DHX38: variants seen among roughly 807,000 people sequenced by gnomAD.
DHX38 encodes the protein DEAH-box helicase 38.
In DHX38, 100 loss-of-function variants were observed where a neutral mutation model predicts 153.1. The observed-to-expected ratio is 0.65, with a 90% confidence interval of 0.56 to 0.77. DHX38 has a LOEUF of 0.77. Among genes scored for constraint, DHX38 ranks in the 30% least tolerant of loss-of-function variants. The pLI is 0.00. For synonymous variants in DHX38, 650 were observed against 631.7 expected, an observed-to-expected ratio of 1.03 and a Z score of -0.43; for missense variants, 1,440 against 1,654.0, an observed-to-expected ratio of 0.87 and a Z score of 2.24.
chr16:72,104,904 T>C lies in DHX38; in HGVS notation c.2152-123T>C. On this transcript the variant is annotated intron_variant, in intron 15 of 26. Transcript: ENST00000268482. The surrounding 1 kb of genome is among the most constrained non-coding windows in gnomAD (Gnocchi z 4.5). ...CCTCGCAGTCAGGCCCATGTGGAGGTGTGGTGGCCCTCAAAGTCCATGGCT... is the reference window on the plus strand; with the variant it reads ...CCTCGCAGTCAGGCCCATGTGGAGGCGTGGTGGCCCTCAAAGTCCATGGCT... The C allele has an allele frequency of 1.0e-6, 1 of 970,660 alleles. No homozygotes were observed. The highest frequency in any genetic ancestry group is 2.5e-5 in the Admixed American group (1 of 40,190). The allele number at this position is 970,660 out of a possible 1,614,324, so 60.1% of individuals were successfully genotyped here.
In DHX38 at chr16:72,110,984, C is replaced by T. The variant is rs1443327443; in HGVS notation, c.3506C>T (p.Ala1169Val). 1.2e-5 allele frequency: 19 copies of T among 1,587,664 alleles called. No individual in the cohort carries two copies. Among genetic ancestry groups the T allele is most frequent in the Admixed American group, 3.6e-5 (2 of 56,196 alleles). ...QENRRRAKEEASAMEEEMALA... is the reference protein window; with the variant it reads ...QENRRRAKEEVSAMEEEMALA... ...AACCGTCGTCGGGCCAAAGAGGAAG[C>T]CTCTGCCATGGAGGAGGAGATGGCG... is the stretch of plus-strand genomic sequence containing the variant. The change falls in exon 26 of 27, where the codon GCC (alanine) becomes GTC (valine). Residue 1169 changes from alanine to valine, a missense_variant. Ala to Val is a moderately conservative substitution (Grantham distance 64). Around this residue, in one of 6 missense-constraint regions of DHX38, gnomAD observed 543 missense variants for 717.9 expected, o/e 0.76. Transcript: ENST00000268482.
At chr16:72,098,496 G>A in intron 4 of DHX38, 149 bp from the exon 5 acceptor site, 1 of 1,082,364 alleles carries the variant, frequency 9.2e-7, no homozygotes, top group Non-Finnish European at 1.3e-6. Context: ...TTTAAAAACT[G>A]TCAAAACCGA....
In DHX38 at chr16:72,107,378, C is replaced by T; in HGVS notation, c.2639C>T (p.Thr880Ile). 6.2e-7 allele frequency: 1 copy of T among 1,613,176 alleles called. No individual in the cohort carries two copies. Among genetic ancestry groups the T allele is most frequent in the Non-Finnish European group, 8.5e-7 (1 of 1,180,016 alleles). Reference sequence around the variant, plus strand: ...AGCGCCTACAAGAATGAGCTCCTGACCACCACAGTGCCCGAGATCCAGAGG... The same window carrying T: ...AGCGCCTACAAGAATGAGCTCCTGATCACCACAGTGCCCGAGATCCAGAGG... ...TQSAYKNELL[T>I]TTVPEIQRTN... Residue 880 changes from threonine (T) to isoleucine (I), a missense_variant, in exon 20 of 27, where the codon ACC becomes ATC. Transcript: ENST00000268482. This position sits in a 1 kb window ranked among gnomAD's most constrained non-coding sequence, Gnocchi z 5.3.
rs773983846 is a variant in DHX38, at chr16:72,107,315, G to A, written c.2601-25G>A. Reference sequence around the variant, plus strand: ...CTGCTGTGGGGTTTCCTTGTGGTGAGAAGATGGGGTCTTCTCCCCGGCAGG... The same window carrying A: ...CTGCTGTGGGGTTTCCTTGTGGTGAAAAGATGGGGTCTTCTCCCCGGCAGG... On this transcript the variant is annotated intron_variant, in intron 19 of 26. Transcript: ENST00000268482. The surrounding 1 kb of genome is among the most constrained non-coding windows in gnomAD (Gnocchi z 5.3). The A allele has an allele frequency of 5.7e-6, 9 of 1,592,212 alleles. No individual in the cohort carries two copies. Among genetic ancestry groups the A allele is most frequent in the Middle Eastern group, 1.7e-4 (1 of 5,852 alleles).
At chr16:72,096,538 A>T in intron 2 of DHX38, 58 bp downstream of exon 2, 1 of 1,503,034 alleles carries the variant, frequency 6.7e-7, no homozygotes, top group Non-Finnish European at 8.8e-7. Flanking sequence ...GGAAAATAAC[A>T]GCTCATGTTT....
In DHX38 at chr16:72,110,968, C is replaced by T. The variant is rs527587650; in HGVS notation, c.3490C>T (p.Arg1164Trp). The change falls in exon 26 of 27, where the codon CGG becomes TGG. Residue 1164 changes from arginine to tryptophan, a missense_variant. Physicochemically the swap from Arg to Trp is moderately radical, Grantham distance 101. Coordinates refer to ENST00000268482, the MANE Select transcript of DHX38 (RefSeq NM_014003.4). ...AGKSRQENRR[R>W]AKEEASAMEE... is the part of the protein sequence containing the mutation. ...CCCTCTTCAATAGGAGAACCGTCGT[C>T]GGGCCAAAGAGGAAGCCTCTGCCAT... is the stretch of plus-strand genomic sequence containing the variant. The T allele has an allele frequency of 2.0e-5, 31 of 1,587,532 alleles. No homozygotes were observed. The highest frequency in any genetic ancestry group is 5.7e-5 in the South Asian group (5 of 87,032).
At chr16:72,100,281 C>G (rs1489100918) in intron 8 of DHX38, among the ~76,000 whole-genome samples, 155 bp from the exon 9 acceptor site, 1 of 152,154 alleles carries the variant, frequency 6.6e-6, no homozygotes, top group Non-Finnish European at 1.5e-5. Flanking sequence ...GGATCAGCAC[C>G]TCTTCTGTCT....
In DHX38 at chr16:72,100,228, T is replaced by C. The variant is rs117088605; in HGVS notation, c.1117-208T>C. Among the ~76,000 whole-genome samples the C allele has an allele frequency of 2.3e-3, 354 of 152,284 alleles. 1 individual carries two copies. Among genetic ancestry groups the C allele is most frequent in the Non-Finnish European group, 4.0e-3 (275 of 68,016 alleles). The stretch of plus-strand genomic sequence containing the variant: ...GTCCCTCTAGAGGTTCTGATTTAGA[T>C]GAAAGGTGCTGCTGCTTGGAACAAA... On this transcript the variant is annotated intron_variant, in intron 8 of 26. Transcript: ENST00000268482.
chr16:72,101,671 G>T, intron 11 of DHX38, 59 bp downstream of exon 11: 1 of 1,401,820 alleles, frequency 7.1e-7, no homozygotes, highest in Middle Eastern at 2.1e-4. Context: ...GCCCATGTGG[G>T]CAGTTGCGGC....
chr16:72,099,823 G>A lies in DHX38; in HGVS notation c.1052G>A (p.Arg351Gln), dbSNP rs779464648. Residue 351 changes from arginine to glutamine, a missense_variant, in exon 8 of 27, where the codon CGG becomes CAG. This residue lies in a region of DHX38 where 77 missense variants were observed against 125.4 expected (regional missense o/e 0.61). Coordinates refer to ENST00000268482, the MANE Select transcript of DHX38 (RefSeq NM_014003.4). ...AYSSEDYVRR[R>Q]EQHLHKQKQK... is the part of the protein sequence containing the mutation. The stretch of plus-strand genomic sequence containing the variant: ...TCCTCCGAGGACTACGTGAGGAGGC[G>A]GGAGCAGCACCTGCATAAACAGAAG... 26 of 1,613,826 alleles carry A rather than the reference G, an allele frequency of 1.6e-5. No individual in the cohort carries two copies. In the South Asian group the frequency reaches 2.3e-4, roughly 14 times the overall value.
chr16:72,100,468 C>A lies in DHX38; in HGVS notation c.1149C>A (p.Leu383=). ...AGCGCTGGGAGACAAACCGCATGCT[C>A]ACCAGTGGGGTGGTCCATCGGCTGG... ...DNERWETNRM[L]TSGVVHRLEV... The change falls in exon 9 of 27, where the codon CTC becomes CTA. Residue 383 remains leucine, a synonymous_variant. Coordinates refer to ENST00000268482, the MANE Select transcript of DHX38 (RefSeq NM_014003.4). 6.2e-7 allele frequency: 1 copy of A among 1,614,108 alleles called. No homozygotes were observed. The highest frequency in any genetic ancestry group is 8.5e-7 in the Non-Finnish European group (1 of 1,179,994).
At position 72,099,294 on chromosome 16, in the gene DHX38, C is replaced by T. The variant is rs1489050165; in HGVS notation, c.960+14C>T. The T allele has an allele frequency of 7.5e-6, 12 of 1,598,314 alleles. No homozygotes were observed. Among genetic ancestry groups the T allele is most frequent in the Non-Finnish European group, 1.0e-5 (12 of 1,172,570 alleles). On this transcript the variant is annotated intron_variant, in intron 7 of 26. Transcript: ENST00000268482. ...GATGACCAGAGGGTAAAGTTTTATACCTCTGAGGGGCTGATCGGGGCTGGT... is the reference window on the plus strand; with the variant it reads ...GATGACCAGAGGGTAAAGTTTTATATCTCTGAGGGGCTGATCGGGGCTGGT...
At position 72,101,532 on chromosome 16, in the gene DHX38, C is replaced by A; in HGVS notation, c.1419C>A (p.Thr473=). ...AQHKHWELAG[T]KLGDIMGVKK... is the part of the protein sequence containing the mutation. ...ACAAACACTGGGAACTGGCGGGGAC[C>A]AAACTGGGAGATATAATGGGCGTCA... The change falls in exon 11 of 27, where the codon ACC becomes ACA. Residue 473 remains threonine, a synonymous_variant. Transcript: ENST00000268482. 6.4e-7 allele frequency: 1 copy of A among 1,552,032 alleles called. No individual in the cohort carries two copies. The highest frequency in any genetic ancestry group is 8.7e-7 in the Non-Finnish European group (1 of 1,147,202).
intron 21 of DHX38, 68 bp from the exon 22 acceptor site, chr16:72,108,159 C>T: frequency 6.4e-7 from 1 of 1,573,520 alleles, no homozygotes; most frequent in Admixed American, 1.7e-5. Flanking sequence ...GTGTTAGAAC[C>T]TCTGGGATGT....
intron 26 of DHX38, chr16:72,112,082 C>G (rs911647872): frequency 2.8e-6 from 1 of 353,092 alleles, no homozygotes; most frequent in Non-Finnish European, 5.3e-6. Context: ...GAGTTGGCTC[C>G]TAGGCACTGG....
chr16:72,097,912 A>G (rs2042044174), intron 4 of DHX38, 131 bp downstream of exon 4: 2 of 912,958 alleles, frequency 2.2e-6, no homozygotes, highest in South Asian at 3.0e-5. Flanking sequence ...ATCTTGGGAT[A>G]GTTGGTTCTG....
At chr16:72,105,915 G>T in intron 18 of DHX38, 90 bp from the exon 19 acceptor site, 1 of 1,220,440 alleles carries the variant, frequency 8.2e-7, no homozygotes, top group East Asian at 2.3e-5. Context: ...CCTCTGCCAT[G>T]TGTAGCAACC....
chr16:72,104,677 C>T lies in DHX38; in HGVS notation c.2151+51C>T. ...TGACCCTTCCATGCCACGCACTTCT[C>T]TGATGCGAAGCCGGCTGGAGGGTGG... is the stretch of plus-strand genomic sequence containing the variant. On this transcript the variant is annotated intron_variant, in intron 15 of 26. Coordinates refer to ENST00000268482, the MANE Select transcript of DHX38 (RefSeq NM_014003.4). This position sits in a 1 kb window ranked among gnomAD's most constrained non-coding sequence, Gnocchi z 4.5. The T allele has an allele frequency of 2.5e-6, 4 of 1,609,686 alleles. No homozygotes were observed. The highest frequency in any genetic ancestry group is 2.5e-6 in the Non-Finnish European group (3 of 1,177,380).
chr16:72,105,713 C>G, intron 18 of DHX38, 89 bp downstream of exon 18: 3 of 1,324,172 alleles, frequency 2.3e-6, no homozygotes, highest in South Asian at 1.2e-5. Context: ...GCTCCTGGCC[C>G]TGGGATGTGG....
Sources: allele counts gnomAD v4.1 joint callset (sites outside exome capture counted in the v4.1 genomes callset), GRCh38; gene constraint gnomAD v4.1.1; regional missense constraint gnomAD v4.1.1; non-coding constraint Gnocchi (gnomAD v3.1); transcripts MANE v1.5; gene names NCBI Gene and HGNC (gene_info 2026-07-23, HGNC 2026-07-21).